PPP3CA: variants seen among roughly 807,000 people sequenced by gnomAD.
PPP3CA encodes CAM-PRP catalytic subunit.
In PPP3CA, 14 loss-of-function variants were observed where a neutral mutation model predicts 66.5. The observed-to-expected ratio is 0.21, with a 90% CI of 0.14 to 0.33. The LOEUF is 0.33. PPP3CA is among the 10% of genes least tolerant of loss of function. The pLI, the probability that PPP3CA is intolerant of heterozygous loss-of-function variation, is 1.00. For missense variants in PPP3CA, 317 were observed against 639.5 expected, an observed-to-expected ratio of 0.50 and a Z score of 5.44; for synonymous variants, 232 against 226.2, an observed-to-expected ratio of 1.03 and a Z score of -0.23.
intron 10 of PPP3CA, among the ~76,000 whole-genome samples, chr4:101,049,356 G>A (rs776474405): frequency 5.3e-5 from 8 of 151,772 alleles, no homozygotes; most frequent in Non-Finnish European, 2.9e-5. Context: ...TGCTCCCCCT[G>A]CCTTTGTTTT....
intron 2 of PPP3CA, among the ~76,000 whole-genome samples, chr4:101,142,137 C>A (rs1001631685): frequency 1.3e-5 from 2 of 151,782 alleles, no homozygotes; most frequent in Non-Finnish European, 2.9e-5. Context: ...ATTAAAGACA[C>A]CAACCAAAAA....
At chr4:101,336,362 G>A (rs1729634012) in intron 1 of PPP3CA, among the ~76,000 whole-genome samples, 1 of 151,830 alleles carries the variant, frequency 6.6e-6, no homozygotes, top group Admixed American at 6.6e-5. Flanking sequence ...CTTGAGGTCA[G>A]GAGTTCAAGA....
At chr4:101,133,793 T>A (rs1167548359) in intron 2 of PPP3CA, among the ~76,000 whole-genome samples, 1 of 151,862 alleles carries the variant, frequency 6.6e-6, no homozygotes, top group African/African-American at 2.4e-5. Flanking sequence ...ACCAAGACAA[T>A]CCTAAGCAAA....
intron 2 of PPP3CA, among the ~76,000 whole-genome samples, chr4:101,188,974 A>C (rs1001401689): frequency 2.0e-5 from 3 of 152,180 alleles, no homozygotes; most frequent in Admixed American, 1.3e-4. Context: ...AGCTGCATGA[A>C]AAATTTATAT....
At chr4:101,067,671 TG>T (rs1261581809) in intron 8 of PPP3CA, among the ~76,000 whole-genome samples, 2 of 48,462 alleles carry the variant, frequency 4.1e-5, no homozygotes, top group South Asian at 7.8e-4. Flanking sequence ...TGTTGTGGGG[TG>T]GGGGGACGGG....
intron 1 of PPP3CA, among the ~76,000 whole-genome samples, chr4:101,242,276 T>C (rs533725187): frequency 7.0e-4 from 106 of 152,268 alleles, no homozygotes; most frequent in African/African-American, 2.5e-3. Context: ...ATTAAAGACA[T>C]GACCTTAATC....
chr4:101,248,792 C>G (rs1189011445), intron 1 of PPP3CA, among the ~76,000 whole-genome samples: 1 of 152,196 alleles, frequency 6.6e-6, no homozygotes, highest in Non-Finnish European at 1.5e-5. Context: ...AGTAGCTACT[C>G]TGAAATTCAA....
chr4:101,320,476 G>GTATGTATGTA (rs1553941676), intron 1 of PPP3CA, among the ~76,000 whole-genome samples: 20 of 116,758 alleles, frequency 1.7e-4, no homozygotes, highest in African/African-American at 7.2e-4. Context: ...ATGTATGTAT[G>GTATGTATGTA]TGTGTGTGTG....
intron 8 of PPP3CA, among the ~76,000 whole-genome samples, chr4:101,063,921 G>A (rs1160566099): frequency 6.6e-6 from 1 of 151,816 alleles, no homozygotes; most frequent in Non-Finnish European, 1.5e-5. Flanking sequence ...TCAGATCAGG[G>A]TAATTAGCTA....
chr4:101,266,283 G>C (rs2110261129), intron 1 of PPP3CA, among the ~76,000 whole-genome samples: 2 of 152,152 alleles, frequency 1.3e-5, no homozygotes, highest in Middle Eastern at 6.8e-3. Context: ...GAGAATAAAA[G>C]TTGCATACAG....
chr4:101,281,454 TGAGA>T (rs1268771673), intron 1 of PPP3CA, among the ~76,000 whole-genome samples: 1 of 152,082 alleles, frequency 6.6e-6, no homozygotes, highest in Non-Finnish European at 1.5e-5. Context: ...TAAGAGGGGG[TGAGA>T]TCCAGTAAAG....
At chr4:101,062,251 T>C (rs903247433) in intron 9 of PPP3CA, among the ~76,000 whole-genome samples, 2 of 152,018 alleles carry the variant, frequency 1.3e-5, no homozygotes, top group African/African-American at 2.4e-5. Flanking sequence ...TGGAGTAGTA[T>C]TGGGAATATT....
chr4:101,178,040 A>AT (rs915884105), intron 2 of PPP3CA, among the ~76,000 whole-genome samples: 12 of 152,144 alleles, frequency 7.9e-5, no homozygotes, highest in Admixed American at 6.6e-4. Flanking sequence ...CATATCAGTT[A>AT]TTACGTGAGG....
chr4:101,306,142 T>C (rs1205598722), intron 1 of PPP3CA, among the ~76,000 whole-genome samples: 1 of 152,184 alleles, frequency 6.6e-6, no homozygotes, highest in African/African-American at 2.4e-5. Flanking sequence ...GTCATGTCCA[T>C]GGAACATCTA....
intron 1 of PPP3CA, among the ~76,000 whole-genome samples, chr4:101,232,782 A>G (rs1358487526): frequency 2.6e-5 from 4 of 151,754 alleles, no homozygotes; most frequent in Admixed American, 6.6e-5. Flanking sequence ...CTTAAATAAA[A>G]ACATACTATT....
intron 1 of PPP3CA, among the ~76,000 whole-genome samples, chr4:101,215,947 G>C (rs1725440024): frequency 1.3e-5 from 2 of 152,082 alleles, no homozygotes; most frequent in African/African-American, 4.8e-5. Flanking sequence ...ACTAAGGAGT[G>C]AAGAGAAGAC....
In PPP3CA at chr4:101,064,271, G is replaced by A. The variant is rs1019704387; in HGVS notation, c.956-914C>T. Among the ~76,000 whole-genome samples, 45 of 151,868 alleles carry A rather than the reference G, an allele frequency of 3.0e-4. 3 individuals are homozygous for A. The highest frequency in any genetic ancestry group is 6.6e-5 in the Admixed American group (1 of 15,208). ...TATGGATAGACAATTTGAAGTTGCA[G>A]GAAATTCTCAGGTTGCATTTAAACC... On this transcript the variant is annotated intron_variant, in intron 8 of 13. Transcript: ENST00000394854.
chr4:101,259,750 A>G (rs1161875155), intron 1 of PPP3CA, among the ~76,000 whole-genome samples: 1 of 152,150 alleles, frequency 6.6e-6, no homozygotes, highest in Non-Finnish European at 1.5e-5. Flanking sequence ...AAGGATGTTG[A>G]CTTTCCATCA....
intron 1 of PPP3CA, 41 bp downstream of exon 1, chr4:101,346,698 C>G: frequency 6.4e-7 from 1 of 1,564,826 alleles, no homozygotes; most frequent in Non-Finnish European, 8.7e-7. Flanking sequence ...CTGGCGCCTG[C>G]GGCACACGGT....
Sources: allele counts gnomAD v4.1 joint callset (sites outside exome capture counted in the v4.1 genomes callset), GRCh38; gene constraint gnomAD v4.1.1; transcripts MANE v1.5; gene names NCBI Gene and HGNC (gene_info 2026-07-23, HGNC 2026-07-21).